Variants in CAPN2 observed in about 807,000 individuals in gnomAD.
CAPN2 encodes the protein calpain 2, also known as calpain-2 catalytic subunit.
A neutral mutation model predicts 102.3 loss-of-function variants in CAPN2; 92 were observed. That is an observed-to-expected ratio of 0.90 (90% CI 0.76 to 1.07). The LOEUF (loss-of-function observed/expected upper bound fraction) is 1.07. Among genes scored for constraint, CAPN2 ranks in the 50% least tolerant of loss-of-function variants. CAPN2 has a pLI of 0.00. For synonymous variants in CAPN2, 340 were observed against 355.4 expected, an observed-to-expected ratio of 0.96 and a Z score of 0.49; for missense variants, 800 against 909.4, an observed-to-expected ratio of 0.88 and a Z score of 1.55.
intron 15 of CAPN2, 22 bp downstream of exon 15, chr1:223,764,229 A>C (rs1661257747): frequency 1.2e-6 from 2 of 1,602,706 alleles, no homozygotes; most frequent in Non-Finnish European, 1.7e-6. Context: ...CTCATTGCAA[A>C]ACCTCATCCT....
At chr1:223,748,125 A>G (rs553779169) in intron 5 of CAPN2, among the ~76,000 whole-genome samples, 6 of 152,166 alleles carry the variant, frequency 3.9e-5, no homozygotes, top group African/African-American at 1.4e-4. Flanking sequence ...ACTCTTGCAG[A>G]GCTAATAGGC....
intron 2 of CAPN2, among the ~76,000 whole-genome samples, chr1:223,741,662 C>T (rs928928983): frequency 1.3e-5 from 2 of 152,010 alleles, no homozygotes; most frequent in African/African-American, 4.8e-5. Context: ...ACCATGTTGG[C>T]CAGGCTGGTC....
intron 1 of CAPN2, among the ~76,000 whole-genome samples, 158 bp from the exon 2 acceptor site, chr1:223,717,604 G>T (rs1659911149): frequency 6.6e-6 from 1 of 152,140 alleles, no homozygotes; most frequent in South Asian, 2.1e-4. Flanking sequence ...GGGTCAGAAG[G>T]ACCTCATGAC....
At chr1:223,712,312 T>A, upstream of CAPN2, 3 of 344,288 alleles carry the variant, frequency 8.7e-6, no homozygotes, top group Non-Finnish European at 1.2e-5. Flanking sequence ...GAGCCCCAAC[T>A]CTGGACCGCG....
At chr1:223,747,219 G>A in intron 5 of CAPN2, 54 bp downstream of exon 5, 1 of 1,517,620 alleles carries the variant, frequency 6.6e-7, no homozygotes, top group Non-Finnish European at 8.9e-7. Flanking sequence ...GCTGAAGGGA[G>A]GCTCCCACAG....
chr1:223,771,630 A>G (rs1364765108), intron 18 of CAPN2, 179 bp from the exon 19 acceptor site: 2 of 603,630 alleles, frequency 3.3e-6, no homozygotes, highest in Middle Eastern at 4.0e-4. Flanking sequence ...TTCAAAAACA[A>G]AAGAAACAGC....
intron 1 of CAPN2, among the ~76,000 whole-genome samples, chr1:223,704,429 T>A (rs750741803): frequency 3.9e-5 from 6 of 152,244 alleles, no homozygotes; most frequent in Non-Finnish European, 5.9e-5. Flanking sequence ...CAAAGGCTCA[T>A]TTGAATTGCA....
Position 223,756,664 on chromosome 1 carries a change from T to G in CAPN2, c.1306-705T>G, listed in dbSNP as rs1021694830. Among the ~76,000 whole-genome samples, 6 of 152,136 alleles carry G rather than the reference T, an allele frequency of 3.9e-5. No individual in the cohort carries two copies. Among genetic ancestry groups the G allele is most frequent in the Admixed American group, 3.3e-4 (5 of 15,274 alleles). On this transcript the variant is annotated intron_variant, in intron 10 of 20. Transcript: ENST00000295006. The surrounding 1 kb of genome is among the most constrained non-coding windows in gnomAD (Gnocchi z 4.1). ...ACGTTGCCACCCATGGAACACTGACTTCTACCTGCTCACCCACCTGAGAAA... is the reference window on the plus strand; with the variant it reads ...ACGTTGCCACCCATGGAACACTGACGTCTACCTGCTCACCCACCTGAGAAA...
At position 223,755,553 on chromosome 1, in the gene CAPN2, C is replaced by A; in HGVS notation, c.1209C>A (p.Ser403Arg). The A allele has an allele frequency of 6.2e-6, 10 of 1,614,004 alleles. No individual in the cohort carries two copies. The highest frequency in any genetic ancestry group is 8.5e-6 in the Non-Finnish European group (10 of 1,179,974). ...EEDEDEEDGE[S>R]GCTFLVGLIQ... is the part of the protein sequence containing the mutation. ...ATGAGGACGAGGAGGATGGGGAGAG[C>A]GGCTGCACCTTCCTGGTGGGGCTCA... Residue 403 changes from serine (S) to arginine (R), a missense_variant, in exon 10 of 21, where the codon AGC (serine) becomes AGA (arginine). Coordinates refer to ENST00000295006, the MANE Select transcript of CAPN2 (RefSeq NM_001748.5). The surrounding 1 kb of genome is among the most constrained non-coding windows in gnomAD (Gnocchi z 4.1).
At position 223,752,933 on chromosome 1, in the gene CAPN2, C is replaced by T. The variant is rs145466296; in HGVS notation, c.1112C>T (p.Ala371Val). 2,296 of 1,614,078 alleles carry T rather than the reference C, an allele frequency of 1.4e-3. 3 individuals carry two copies. Among genetic ancestry groups the T allele is most frequent in the Non-Finnish European group, 1.7e-3 (2,027 of 1,180,006 alleles). ...MDGNWRRGST[A>V]GGCRNYPNTF... ...GGGAACTGGAGGCGGGGCTCCACCG[C>T]GGGAGGTTGCAGGAACTACCCGAGT... is the stretch of plus-strand genomic sequence containing the variant. The change falls in exon 9 of 21, where the codon GCG becomes GTG. Residue 371 changes from alanine (A) to valine (V), a missense_variant. By Grantham distance (64) the Ala-to-Val change is moderately conservative. Coordinates refer to ENST00000295006, the MANE Select transcript of CAPN2 (RefSeq NM_001748.5).
chr1:223,723,459 A>AC (rs562777451), intron 2 of CAPN2, among the ~76,000 whole-genome samples: 19 of 152,150 alleles, frequency 1.2e-4, no homozygotes, highest in African/African-American at 4.3e-4. Flanking sequence ...CAGTCCCAGC[A>AC]CCCCCCTTAC....
chr1:223,721,644 G>A (rs1416356687), intron 2 of CAPN2, among the ~76,000 whole-genome samples: 1 of 152,188 alleles, frequency 6.6e-6, no homozygotes, highest in African/African-American at 2.4e-5. Flanking sequence ...AGCACCCACT[G>A]GGAGGTGTTT....
chr1:223,702,780 C>T (rs1659517457), intron 1 of CAPN2, among the ~76,000 whole-genome samples: 1 of 151,852 alleles, frequency 6.6e-6, no homozygotes, highest in South Asian at 2.1e-4. Flanking sequence ...GAGTTATTGA[C>T]CTAGGTAGAT....
upstream of CAPN2, among the ~76,000 whole-genome samples, chr1:223,708,752 C>T (rs993877908): frequency 7.1e-6 from 1 of 139,890 alleles, no homozygotes; most frequent in Non-Finnish European, 1.5e-5. Context: ...GCCTGGGCAA[C>T]AAGAGTGAAA....
In CAPN2 at chr1:223,752,779, G is replaced by A. The variant is rs1660934940; in HGVS notation, c.975-17G>A. The A allele has an allele frequency of 6.2e-7, 1 of 1,613,668 alleles. No individual in the cohort carries two copies. Among genetic ancestry groups the A allele is most frequent in the Non-Finnish European group, 8.5e-7 (1 of 1,179,714 alleles). On this transcript the variant is annotated splice_polypyrimidine_tract_variant and intron_variant, in intron 8 of 20. Coordinates refer to ENST00000295006, the MANE Select transcript of CAPN2 (RefSeq NM_001748.5). ...TGTCTTCTTATCACCTGTGATGATT[G>A]TCTCTGCTTTTGCCAGGATGTCTTT... is the stretch of plus-strand genomic sequence containing the variant.
At chr1:223,747,329 A>C (rs1283988297) in intron 5 of CAPN2, among the ~76,000 whole-genome samples, 164 bp downstream of exon 5, 1 of 152,200 alleles carries the variant, frequency 6.6e-6, no homozygotes, top group Non-Finnish European at 1.5e-5. Context: ...AGGTCCGCTG[A>C]AAATCAACTG....
chr1:223,707,259 TC>T (rs1485713211), intron 1 of CAPN2, among the ~76,000 whole-genome samples: 6 of 151,272 alleles, frequency 4.0e-5, no homozygotes, highest in African/African-American at 1.5e-4. Flanking sequence ...TCTCTTCTTC[TC>T]TCTCTCTCTC....
At chr1:223,716,993 G>A (rs191533000) in intron 1 of CAPN2, among the ~76,000 whole-genome samples, 2 of 152,270 alleles carry the variant, frequency 1.3e-5, no homozygotes, top group East Asian at 1.9e-4. Flanking sequence ...CTTTGGACAC[G>A]TCACTTCACC....
At chr1:223,702,646 G>A (rs951010632) in intron 1 of CAPN2, among the ~76,000 whole-genome samples, 7 of 152,146 alleles carry the variant, frequency 4.6e-5, no homozygotes, top group Non-Finnish European at 8.8e-5. Flanking sequence ...AAAACGGGGA[G>A]GATAGGACAT....
Sources: allele counts gnomAD v4.1 joint callset (sites outside exome capture counted in the v4.1 genomes callset), GRCh38; gene constraint gnomAD v4.1.1; non-coding constraint Gnocchi (gnomAD v3.1); transcripts MANE v1.5; gene names NCBI Gene and HGNC (gene_info 2026-07-23, HGNC 2026-07-21).